The following LRRFIP1 variants were observed in gnomAD, a reference collection of about 807,000 sequenced individuals.
LRRFIP1 encodes leucine-rich repeat flightless-interacting protein 1.
LRRFIP1 carries 62 observed loss-of-function variants against 104.4 expected under a neutral mutation model. That is an observed-to-expected ratio of 0.59 (90% CI 0.48 to 0.73). LRRFIP1 has a LOEUF of 0.73. Among genes scored for constraint, LRRFIP1 ranks in the 30% least tolerant of loss-of-function variants. The probability of loss-of-function intolerance (pLI) is 0.00; values close to 1 mark genes in which losing one functional copy is unlikely to be tolerated. For missense variants in LRRFIP1, 796 were observed against 824.5 expected, an observed-to-expected ratio of 0.97 and a Z score of 0.42; for synonymous variants, 300 against 299.0, an observed-to-expected ratio of 1.00 and a Z score of -0.03.
intron 2 of LRRFIP1, among the ~76,000 whole-genome samples, chr2:237,713,616 C>A (rs1473917630): frequency 6.6e-6 from 1 of 151,968 alleles, no homozygotes; most frequent in Non-Finnish European, 1.5e-5. Flanking sequence ...CCTGATATGA[C>A]AAATGTCTTA....
chr2:237,735,576 GCT>G lies in LRRFIP1; in HGVS notation c.555+250_555+251del. 1 of 475,176 alleles carries G rather than the reference GCT, an allele frequency of 2.1e-6. No homozygotes were observed. Among genetic ancestry groups the G allele is most frequent in the South Asian group, 3.0e-5 (1 of 33,128 alleles). 29.4% of individuals were successfully genotyped at this position (475,176 alleles called of 1,614,324 possible). A position where few individuals can be genotyped will look rare whatever the true frequency, so the allele number is the denominator to read the frequency against. On this transcript the variant is annotated intron_variant, in intron 10 of 23. Coordinates refer to ENST00000308482, the MANE Select transcript of LRRFIP1 (RefSeq NM_001137550.2). The surrounding 1 kb of genome is among the most constrained non-coding windows in gnomAD (Gnocchi z 4.6). ...GAGTAACTTGCACTGAGTTTCATCTGCTCTCTCTGCAGCACGCCAACCATACT... is the reference window on the plus strand; with the variant it reads ...GAGTAACTTGCACTGAGTTTCATCTGCTCTCTGCAGCACGCCAACCATACT...
intron 1 of LRRFIP1, among the ~76,000 whole-genome samples, chr2:237,672,759 A>C (rs1023793010): frequency 1.3e-5 from 2 of 152,204 alleles, no homozygotes; most frequent in Non-Finnish European, 2.9e-5. Context: ...TATCTACTTT[A>C]TCATATTTTG....
intron 1 of LRRFIP1, among the ~76,000 whole-genome samples, chr2:237,690,221 A>T (rs1575501668): frequency 1.3e-5 from 2 of 152,130 alleles, no homozygotes; most frequent in East Asian, 3.9e-4. Context: ...GCTCTGGGAG[A>T]TGTGGTCACA....
chr2:237,692,143 C>A, intron 1 of LRRFIP1: 1 of 915,744 alleles, frequency 1.1e-6, no homozygotes, highest in Non-Finnish European at 1.3e-6. Flanking sequence ...CGAGGCGGAA[C>A]TGCGTGGGGG....
At chr2:237,680,127 G>A (rs1014131412) in intron 1 of LRRFIP1, among the ~76,000 whole-genome samples, 2 of 152,152 alleles carry the variant, frequency 1.3e-5, no homozygotes, top group African/African-American at 4.8e-5. Context: ...TTGGCCCTTT[G>A]TGTCTGTGGG....
chr2:237,633,932 C>A (rs2082738067), intron 1 of LRRFIP1, among the ~76,000 whole-genome samples: 1 of 152,204 alleles, frequency 6.6e-6, no homozygotes, highest in African/African-American at 2.4e-5. Context: ...GGTGACATTT[C>A]AGGAGAGAGA....
chr2:237,736,328 TATAAC>T, intron 10 of LRRFIP1, among the ~76,000 whole-genome samples: 1 of 152,242 alleles, frequency 6.6e-6, no homozygotes, highest in East Asian at 1.9e-4. Flanking sequence ...CAGCCCACTA[TATAAC>T]ATATTTTTCC....
intron 1 of LRRFIP1, among the ~76,000 whole-genome samples, chr2:237,707,121 A>G (rs1305146164): frequency 6.6e-6 from 1 of 152,186 alleles, no homozygotes; most frequent in African/African-American, 2.4e-5. Flanking sequence ...TCAAGACGAC[A>G]GATCAAGTGT....
At chr2:237,738,444 A>G (rs558428987) in intron 10 of LRRFIP1, among the ~76,000 whole-genome samples, 2 of 152,320 alleles carry the variant, frequency 1.3e-5, no homozygotes, top group East Asian at 3.9e-4. Flanking sequence ...GGCTTGCTAT[A>G]TGGTGCTGCG....
chr2:237,677,191 C>G (rs982541086), intron 1 of LRRFIP1, among the ~76,000 whole-genome samples: 1 of 152,188 alleles, frequency 6.6e-6, no homozygotes, highest in Non-Finnish European at 1.5e-5. Context: ...TAAACGCTGA[C>G]TCCCCATTCT....
At chr2:237,759,286 C>G (rs766694937) in intron 18 of LRRFIP1, among the ~76,000 whole-genome samples, 95 of 152,040 alleles carry the variant, frequency 6.2e-4, no homozygotes, top group Non-Finnish European at 4.4e-4. Flanking sequence ...CTTGGTGGGC[C>G]ACGCCAAGGC....
At chr2:237,642,877 G>A (rs1056155512) in intron 1 of LRRFIP1, among the ~76,000 whole-genome samples, 11 of 152,226 alleles carry the variant, frequency 7.2e-5, no homozygotes, top group Admixed American at 2.0e-4. Flanking sequence ...CCAGGTTGCA[G>A]GGTCTGGACT....
At chr2:237,710,806 G>GC (rs2094039696) in intron 2 of LRRFIP1, among the ~76,000 whole-genome samples, 1 of 152,158 alleles carries the variant, frequency 6.6e-6, no homozygotes, top group Non-Finnish European at 1.5e-5. Context: ...TTGAAAGGAA[G>GC]CCCTTTTCTG....
intron 1 of LRRFIP1, among the ~76,000 whole-genome samples, chr2:237,688,805 C>T (rs921953704): frequency 6.6e-4 from 101 of 152,016 alleles, no homozygotes; most frequent in Admixed American, 6.6e-3. Flanking sequence ...CCTGCTCAGA[C>T]CTTTCCAAGG....
intron 1 of LRRFIP1, among the ~76,000 whole-genome samples, chr2:237,671,529 C>T (rs1160329480): frequency 6.6e-6 from 1 of 152,084 alleles, no homozygotes; most frequent in South Asian, 2.1e-4. Context: ...TTTTGTCTTC[C>T]AGCAACTAAA....
Position 237,667,727 on chromosome 2 carries a change from G to C in LRRFIP1, c.96+39987G>C, listed in dbSNP as rs115046285. Among the ~76,000 whole-genome samples, 1,436 of 152,270 alleles carry C rather than the reference G, an allele frequency of 9.4e-3. 19 individuals are homozygous for C. Among genetic ancestry groups the C allele is most frequent in the African/African-American group, 0.033 (1,364 of 41,534 alleles). ...TTCATTCATTGACCGTTCCCTGTGT[G>C]TGGCTTTCATAGTATTCATTTGGGA... is the stretch of plus-strand genomic sequence containing the variant. On this transcript the variant is annotated intron_variant, in intron 1 of 23. Transcript: ENST00000308482.
intron 1 of LRRFIP1, among the ~76,000 whole-genome samples, chr2:237,630,497 G>T (rs2082188563): frequency 6.6e-6 from 1 of 152,204 alleles, no homozygotes; most frequent in Non-Finnish European, 1.5e-5. Context: ...AGACAGGAAG[G>T]GATCTGATAT....
chr2:237,751,303 A>G (rs1553696695), intron 14 of LRRFIP1, 32 bp downstream of exon 14: 2 of 1,506,414 alleles, frequency 1.3e-6, no homozygotes, highest in Non-Finnish European at 1.8e-6. Flanking sequence ...GTCTCACGAT[A>G]TTAACCCAAC....
intron 1 of LRRFIP1, among the ~76,000 whole-genome samples, chr2:237,628,906 G>A (rs570936697): frequency 7.0e-4 from 107 of 152,288 alleles, no homozygotes; most frequent in Non-Finnish European, 1.3e-3. Flanking sequence ...TTCTCTGTAT[G>A]ATACAGAAAA....
Sources: allele counts gnomAD v4.1 joint callset (sites outside exome capture counted in the v4.1 genomes callset), GRCh38; gene constraint gnomAD v4.1.1; non-coding constraint Gnocchi (gnomAD v3.1); transcripts MANE v1.5; gene names NCBI Gene and HGNC (gene_info 2026-07-23, HGNC 2026-07-21).